Variants in SORCS2 observed in about 807,000 individuals in gnomAD.
The protein encoded by SORCS2 is VPS10 domain-containing receptor SorCS2.
Under a neutral mutation model 141.6 loss-of-function variants are expected in SORCS2, and 100 were observed. That is an observed-to-expected ratio of 0.71 (90% confidence interval 0.60 to 0.83). SORCS2 has a LOEUF of 0.83. SORCS2 is among the 40% of genes least tolerant of loss of function. SORCS2 has a pLI of 0.00. For missense variants in SORCS2, 1,646 were observed against 1,560.2 expected, an observed-to-expected ratio of 1.05 and a Z score of -0.93; for synonymous variants, 789 against 676.9, an observed-to-expected ratio of 1.17 and a Z score of -2.57.
chr4:7,548,714 A>G (rs1381367316), intron 3 of SORCS2, among the ~76,000 whole-genome samples: 1 of 152,074 alleles, frequency 6.6e-6, no homozygotes, highest in Admixed American at 6.5e-5. Flanking sequence ...AGGGCACAGC[A>G]ACAGGAATGG....
At chr4:7,368,454 G>A (rs990670943) in intron 1 of SORCS2, among the ~76,000 whole-genome samples, 2 of 152,204 alleles carry the variant, frequency 1.3e-5, no homozygotes, top group African/African-American at 2.4e-5. Context: ...CCTGCCGGGA[G>A]TCCTGGCCTT....
At chr4:7,469,581 C>A (rs1377480520) in intron 2 of SORCS2, among the ~76,000 whole-genome samples, 2 of 152,208 alleles carry the variant, frequency 1.3e-5, no homozygotes, top group Non-Finnish European at 2.9e-5. Flanking sequence ...TTCCTTCCAG[C>A]CCCACTGAGG....
At chr4:7,365,981 GA>G (rs1358619231) in intron 1 of SORCS2, among the ~76,000 whole-genome samples, 1 of 152,198 alleles carries the variant, frequency 6.6e-6, no homozygotes, top group Non-Finnish European at 1.5e-5. Flanking sequence ...TCAGTATGGG[GA>G]GTCCTTGCCA....
At chr4:7,713,047 C>A (rs1192288428) in intron 15 of SORCS2, among the ~76,000 whole-genome samples, 194 bp downstream of exon 15, 2 of 152,104 alleles carry the variant, frequency 1.3e-5, no homozygotes, top group East Asian at 3.9e-4. Context: ...GGTCATGGAG[C>A]TACCTGGGCT....
chr4:7,510,600 C>A (rs58292053), intron 2 of SORCS2, among the ~76,000 whole-genome samples: 1 of 142,988 alleles, frequency 7.0e-6, no homozygotes, highest in African/African-American at 2.6e-5. Context: ...TTGTTCTGTG[C>A]GCGGCATGTC....
At chr4:7,272,167 T>C (rs1715186891) in intron 1 of SORCS2, among the ~76,000 whole-genome samples, 3 of 152,168 alleles carry the variant, frequency 2.0e-5, no homozygotes, top group Admixed American at 2.0e-4. Context: ...CTTCAAGGAC[T>C]CCATCCTCAT....
chr4:7,221,166 G>A (rs1187479722), intron 1 of SORCS2, among the ~76,000 whole-genome samples: 1 of 152,154 alleles, frequency 6.6e-6, no homozygotes, highest in East Asian at 1.9e-4. Flanking sequence ...CCAGGTTCTT[G>A]TGGGCAAATA....
At chr4:7,684,114 G>T (rs1436401756) in intron 10 of SORCS2, among the ~76,000 whole-genome samples, 1 of 152,156 alleles carries the variant, frequency 6.6e-6, no homozygotes, top group African/African-American at 2.4e-5. Flanking sequence ...ACCGCAGGGA[G>T]CTCACCACCA....
At chr4:7,303,800 G>A (rs1431797522) in intron 1 of SORCS2, among the ~76,000 whole-genome samples, 6 of 152,230 alleles carry the variant, frequency 3.9e-5, no homozygotes, top group African/African-American at 1.4e-4. Flanking sequence ...CGCAGACCTC[G>A]GCGCGTCTCT....
chr4:7,614,684 CTAT>C (rs1271626329), intron 3 of SORCS2, among the ~76,000 whole-genome samples: 1 of 150,812 alleles, frequency 6.6e-6, no homozygotes, highest in African/African-American at 2.4e-5. Context: ...ATCAATCCAT[CTAT>C]CCATCCACCT....
intron 3 of SORCS2, among the ~76,000 whole-genome samples, chr4:7,604,932 CA>C (rs527490460): frequency 9.9e-4 from 151 of 152,288 alleles, no homozygotes; most frequent in Middle Eastern, 3.4e-3. Context: ...CCCTACACCC[CA>C]TGCAGATGTC....
chr4:7,572,676 A>G (rs997017841), intron 3 of SORCS2, among the ~76,000 whole-genome samples: 5 of 152,184 alleles, frequency 3.3e-5, no homozygotes, highest in Admixed American at 1.3e-4. Context: ...CATCAGCATC[A>G]TTTTTCAATT....
intron 2 of SORCS2, chr4:7,433,096 G>A (rs560283433): frequency 1.5e-5 from 6 of 413,730 alleles, no homozygotes; most frequent in Admixed American, 8.9e-5. Flanking sequence ...ACATGAGTGT[G>A]TTCCGGTCCA....
intron 21 of SORCS2, 127 bp downstream of exon 21, chr4:7,727,030 G>A: frequency 8.8e-7 from 1 of 1,136,288 alleles, no homozygotes; most frequent in Non-Finnish European, 1.2e-6. Context: ...GGTGGGGAGG[G>A]AGGGGCTGGA....
intron 9 of SORCS2, among the ~76,000 whole-genome samples, chr4:7,679,381 C>G (rs763545180): frequency 5.9e-5 from 9 of 152,218 alleles, no homozygotes; most frequent in Non-Finnish European, 1.2e-4. Flanking sequence ...GAAATGGTGG[C>G]TCACATGCTA....
chr4:7,206,298 C>T (rs1727737079), intron 1 of SORCS2, among the ~76,000 whole-genome samples: 1 of 152,158 alleles, frequency 6.6e-6, no homozygotes, highest in Non-Finnish European at 1.5e-5. Context: ...TGTTGCTCCC[C>T]AAGCGCCTGG....
intron 1 of SORCS2, among the ~76,000 whole-genome samples, chr4:7,334,281 C>T (rs1278054346): frequency 8.5e-5 from 13 of 152,164 alleles, no homozygotes. Flanking sequence ...GCAGCAGCCA[C>T]CTTGGACCTC....
intron 1 of SORCS2, among the ~76,000 whole-genome samples, chr4:7,242,707 C>T (rs968050940): frequency 7.2e-5 from 11 of 152,214 alleles, no homozygotes; most frequent in Admixed American, 1.3e-4. Context: ...GTGAAGCTTT[C>T]CCAGCCCCCT....
chr4:7,535,594 C>T (rs570897113), intron 3 of SORCS2, among the ~76,000 whole-genome samples: 12 of 152,360 alleles, frequency 7.9e-5, no homozygotes, highest in East Asian at 3.9e-4. Flanking sequence ...TGCTCAGATC[C>T]GGGCCTGGCC....
Sources: gnomAD v4.1 joint callset for allele counts (sites outside exome capture counted in the v4.1 genomes callset) on GRCh38, gnomAD v4.1.1 for gene constraint, MANE v1.5 for transcripts, NCBI Gene and HGNC (gene_info 2026-07-23, HGNC 2026-07-21) for gene names.